The following TLCD1 variants were observed in gnomAD, a reference collection of about 807,000 sequenced individuals.
TLCD1 encodes TLC domain containing 1, also known as TLC domain-containing protein 1.
A neutral mutation model predicts 21.2 loss-of-function variants in TLCD1; 21 were observed. The observed-to-expected ratio is 0.99, with a 90% CI of 0.70 to 1.42. The LOEUF is 1.42. Among genes scored for constraint, TLCD1 ranks in the 40% most tolerant of loss-of-function variants. The pLI, the probability that TLCD1 is intolerant of heterozygous loss-of-function variation, is 0.00. For missense variants in TLCD1, 344 were observed against 330.3 expected (o/e 1.04, Z -0.32); for synonymous variants, 168 against 134.8 (o/e 1.25, Z -1.71).
chr17:28,724,680 G>A lies in TLCD1; in HGVS notation c.574C>T (p.His192Tyr). The change falls in exon 4 of 4, where the codon CAT becomes TAT. Residue 192 changes from histidine (H) to tyrosine (Y), a missense_variant. Coordinates refer to ENST00000292090, the MANE Select transcript of TLCD1 (RefSeq NM_138463.4). ...FRLAPQAYLT[H>Y]FFLRYVNQRT... ...TGGTTCACATAACGCAAGAAGAAAT[G>A]GGTGAGGTAGGCCTGAGGGGCCAGG... is the stretch of plus-strand genomic sequence containing the variant. 6.2e-7 allele frequency: 1 copy of A among 1,614,156 alleles called. No homozygotes were observed. The highest frequency in any genetic ancestry group is 1.1e-5 in the South Asian group (1 of 91,076).
At position 28,724,836 on chromosome 17, in the gene TLCD1, A is replaced by C; in HGVS notation, c.418T>G (p.Leu140Val). ...FWSSFVGGGV[L>V]TLLVEVSNIF... ...TTGCTGACTTCCACCAGTAGTGTTA[A>C]GACACCCCCACCGACAAAGCTGCTC... Residue 140 changes from leucine to valine, a missense_variant, in exon 4 of 4, where the codon TTA becomes GTA. Physicochemically the swap from Leu to Val is conservative, Grantham distance 32. Transcript: ENST00000292090. 2 of 1,614,000 alleles carry C rather than the reference A, an allele frequency of 1.2e-6. No homozygotes were observed. The highest frequency in any genetic ancestry group is 2.2e-5 in the South Asian group (2 of 91,064).
In TLCD1 at chr17:28,725,299, C is replaced by G. The variant is rs1567755098; in HGVS notation, c.360+5G>C. The G allele has an allele frequency of 5.6e-6, 9 of 1,614,052 alleles. No individual in the cohort carries two copies. The South Asian group carries it at 6.6e-5, about 12-fold the overall frequency. Reference sequence around the variant, plus strand: ...CCTATACCACATAGTCTGCTTCTCTCTTACCATGACGTGATGGACAAGGTA... The same window carrying G: ...CCTATACCACATAGTCTGCTTCTCTGTTACCATGACGTGATGGACAAGGTA... On this transcript the variant is annotated splice_donor_5th_base_variant and intron_variant, in intron 3 of 3. Coordinates refer to ENST00000292090, the MANE Select transcript of TLCD1 (RefSeq NM_138463.4).
At chr17:28,726,703 C>T (rs2034236592), upstream of TLCD1, 2 of 1,524,320 alleles carry the variant, frequency 1.3e-6, no homozygotes, top group Middle Eastern at 1.7e-4. Context: ...CCGTGCAGAC[C>T]CAGTGCCCCT....
intron 3 of TLCD1, 147 bp from the exon 4 acceptor site, chr17:28,725,040 TG>T: frequency 1.0e-6 from 1 of 992,840 alleles, no homozygotes; most frequent in East Asian, 2.6e-5. Context: ...TGCTTTGTTT[TG>T]TTAGTTCAAC....
chr17:28,725,458 C>T (rs1269987765), intron 2 of TLCD1, 23 bp downstream of exon 2: 5 of 1,614,170 alleles, frequency 3.1e-6, no homozygotes, highest in Non-Finnish European at 4.2e-6. Context: ...CAATTTGCCT[C>T]CCGCTTCCTG....
upstream of TLCD1, chr17:28,726,606 G>T (rs994188038): frequency 6.6e-6 from 5 of 762,428 alleles, no homozygotes; most frequent in Non-Finnish European, 1.1e-5. Context: ...TACTTTCTGC[G>T]CAGAGCTGGA....
upstream of TLCD1, chr17:28,727,202 A>G (rs973918586): frequency 4.2e-5 from 10 of 235,968 alleles, no homozygotes; most frequent in East Asian, 1.0e-3. Flanking sequence ...GGGGAGGGGA[A>G]AGGTGCTGCG....
At chr17:28,727,003 G>GCAGGC, upstream of TLCD1, 1 of 618,946 alleles carries the variant, frequency 1.6e-6, no homozygotes, top group Middle Eastern at 4.3e-4. Flanking sequence ...GCCACTAGGT[G>GCAGGC]TCAGCCTGCC....
In TLCD1 at chr17:28,725,912, T is replaced by C. The variant is rs1439298679; in HGVS notation, c.186A>G (p.Ala62=). 7 of 1,612,870 alleles carry C rather than the reference T, an allele frequency of 4.3e-6. No individual in the cohort carries two copies. In the Admixed American group the frequency reaches 1.2e-4, roughly 27 times the overall value. Residue 62 remains alanine (A), a synonymous_variant, in exon 1 of 4, where the codon GCA becomes GCG. Coordinates refer to ENST00000292090, the MANE Select transcript of TLCD1 (RefSeq NM_138463.4). ...CACAGTCGCTCACTCACCACAGCAG[T>C]GCCCAGATCCCCGACACAATGGAGT... The part of the protein sequence containing the change: ...FAHSIVSGIW[A]LLCVWQTPDM...
At chr17:28,726,799 A>G, upstream of TLCD1, 1 of 1,548,876 alleles carries the variant, frequency 6.5e-7, no homozygotes. Context: ...GGAACTGCTG[A>G]GTAACCCATC....
Position 28,724,360 on chromosome 17 carries a change from C to CT in TLCD1, c.*149dup, listed in dbSNP as rs1597798781. Reference sequence around the variant, plus strand: ...AAAGGACAAGGACTTCAGAGGAGTACTTTCATTAGTGTTTTCAATAGTGTG... The same window carrying CT: ...AAAGGACAAGGACTTCAGAGGAGTACTTTTCATTAGTGTTTTCAATAGTGTG... On this transcript the variant is annotated 3_prime_UTR_variant, in exon 4 of 4. Coordinates refer to ENST00000292090, the MANE Select transcript of TLCD1 (RefSeq NM_138463.4). 2.0e-6 allele frequency: 2 copies of CT among 1,024,990 alleles called. No individual in the cohort carries two copies. The highest frequency in any genetic ancestry group is 4.8e-5 in the East Asian group (2 of 41,850). 63.5% of individuals were successfully genotyped at this position (1,024,990 alleles called of 1,614,324 possible).
upstream of TLCD1, chr17:28,726,292 G>GCGCCCC (rs1432296585): frequency 1.5e-4 from 162 of 1,053,184 alleles, no homozygotes; most frequent in Non-Finnish European, 1.8e-4. Flanking sequence ...CCAGCCGCCC[G>GCGCCCC]CGCCCCCGCC....
chr17:28,726,728 A>T, upstream of TLCD1: 1 of 1,547,152 alleles, frequency 6.5e-7, no homozygotes, highest in Non-Finnish European at 8.7e-7. Flanking sequence ...CACCACTCGC[A>T]GTCTTCTGGC....
At position 28,724,582 on chromosome 17, in the gene TLCD1, G is replaced by T. The variant is rs146871523; in HGVS notation, c.672C>A (p.Arg224=). ...CAGGGCAGAAGTCAGAGCGGAGGAG[G>T]CGGGAAAAGTAGATTATGATCATCA... ...LDVMIIIYFS[R]LLRSDFCPEH... is the part of the protein sequence containing the mutation. Residue 224 remains arginine (R), a synonymous_variant, in exon 4 of 4, where the codon CGC becomes CGA. Transcript: ENST00000292090. The T allele has an allele frequency of 1.2e-6, 2 of 1,614,172 alleles. No individual in the cohort carries two copies. The highest frequency in any genetic ancestry group is 2.2e-5 in the East Asian group (1 of 44,888).
intron 3 of TLCD1, 60 bp from the exon 4 acceptor site, chr17:28,724,953 TG>T (rs2034190922): frequency 6.4e-7 from 1 of 1,553,532 alleles, no homozygotes; most frequent in Non-Finnish European, 8.7e-7. Context: ...CCTGGAAGTT[TG>T]GGGGGTGTGG....
Position 28,725,343 on chromosome 17 carries a change from C to T in TLCD1, c.321G>A (p.Gln107=). ...CAAGGTATTCCCAAGAGGCTCGCGT[C>T]TGTCCGCTAGCCACGATGTCCACCG... ...HDTVDIVASG[Q]TRASWEYLVH... Residue 107 remains glutamine, a synonymous_variant, in exon 3 of 4, where the codon CAG becomes CAA. Coordinates refer to ENST00000292090, the MANE Select transcript of TLCD1 (RefSeq NM_138463.4). The T allele has an allele frequency of 6.2e-7, 1 of 1,614,108 alleles. No homozygotes were observed. Among genetic ancestry groups the T allele is most frequent in the South Asian group, 1.1e-5 (1 of 91,074 alleles).
chr17:28,727,058 C>T, upstream of TLCD1: 1 of 578,794 alleles, frequency 1.7e-6, no homozygotes, highest in Non-Finnish European at 3.1e-6. Flanking sequence ...AGCGAGGCAG[C>T]TGCTTTCGGG....
At chr17:28,725,246 G>A (rs1474282147) in intron 3 of TLCD1, 58 bp downstream of exon 3, 5 of 1,575,302 alleles carry the variant, frequency 3.2e-6, no homozygotes, top group Admixed American at 3.4e-5. Context: ...CAGAAAGACG[G>A]AGCTGAGACT....
chr17:28,726,676 G>A, upstream of TLCD1: 1 of 1,392,276 alleles, frequency 7.2e-7, no homozygotes. Context: ...CCGGAGCCCC[G>A]CGTCCGACAG....
Sources: allele counts gnomAD v4.1 joint callset, GRCh38; gene constraint gnomAD v4.1.1; transcripts MANE v1.5; gene names NCBI Gene and HGNC (gene_info 2026-07-23, HGNC 2026-07-21).